The following SOX5 variants were observed in gnomAD, a reference collection of about 807,000 sequenced individuals.
SOX5 encodes SRY-box transcription factor 5.
In SOX5, 9 loss-of-function variants were observed where a neutral mutation model predicts 92.0. That is an observed-to-expected ratio of 0.10 (90% confidence interval 0.06 to 0.17). SOX5 has a LOEUF of 0.17. SOX5 is among the 10% of genes least tolerant of loss of function. The pLI is 1.00. For synonymous variants in SOX5, 344 were observed against 336.3 expected (o/e 1.02, Z -0.25); for missense variants, 642 against 944.5 (o/e 0.68, Z 4.20).
intron 1 of SOX5, among the ~76,000 whole-genome samples, chr12:24,437,906 A>T (rs1596625391): frequency 6.6e-6 from 1 of 152,210 alleles, no homozygotes; most frequent in East Asian, 1.9e-4. Flanking sequence ...CAGAAATACC[A>T]TTTGACCCAG....
At chr12:24,363,476 G>C (rs766027574) in intron 2 of SOX5, among the ~76,000 whole-genome samples, 5 of 152,120 alleles carry the variant, frequency 3.3e-5, no homozygotes, top group Non-Finnish European at 4.4e-5. Context: ...GGTTGAAATA[G>C]TCAGCATTTA....
intron 7 of SOX5, among the ~76,000 whole-genome samples, chr12:23,651,997 T>TA (rs575826482): frequency 4.3e-4 from 66 of 151,738 alleles, no homozygotes; most frequent in South Asian, 2.1e-3. Flanking sequence ...CCTCCTATCC[T>TA]AAAAAAAATG....
At chr12:24,476,579 CA>C (rs749931335) in intron 1 of SOX5, among the ~76,000 whole-genome samples, 27 of 152,248 alleles carry the variant, frequency 1.8e-4, no homozygotes, top group Admixed American at 7.2e-4. Flanking sequence ...TGTAGTTGTT[CA>C]AGCAGGAGTT....
At chr12:24,135,649 G>A (rs536676770) in intron 4 of SOX5, among the ~76,000 whole-genome samples, 2 of 152,218 alleles carry the variant, frequency 1.3e-5, no homozygotes, top group Non-Finnish European at 2.9e-5. Flanking sequence ...CAACAGGACA[G>A]ATGTAAACAA....
At chr12:24,051,986 T>C (rs1360418830) in intron 4 of SOX5, among the ~76,000 whole-genome samples, 1 of 152,228 alleles carries the variant, frequency 6.6e-6, no homozygotes, top group African/African-American at 2.4e-5. Flanking sequence ...GGCCTCATCT[T>C]ATTTAACCTC....
chr12:24,359,356 C>A (rs1394717558), intron 2 of SOX5, among the ~76,000 whole-genome samples: 1 of 152,104 alleles, frequency 6.6e-6, no homozygotes, highest in Non-Finnish European at 1.5e-5. Flanking sequence ...TCCGGTCTTG[C>A]CGTTATCTGA....
At chr12:23,953,845 G>C (rs1945954700), upstream of SOX5, among the ~76,000 whole-genome samples, 2 of 151,914 alleles carry the variant, frequency 1.3e-5, no homozygotes, top group South Asian at 4.1e-4. Flanking sequence ...GAGTCTTTTT[G>C]ACACTGCCGC....
At chr12:23,918,459 A>C (rs964909835) in intron 1 of SOX5, among the ~76,000 whole-genome samples, 3 of 152,344 alleles carry the variant, frequency 2.0e-5, no homozygotes, top group Admixed American at 2.0e-4. Context: ...TTTAGGATTA[A>C]CTAAAAATGA....
intron 3 of SOX5, among the ~76,000 whole-genome samples, chr12:23,762,809 C>A (rs1567565862): frequency 6.6e-6 from 1 of 152,112 alleles, no homozygotes; most frequent in Non-Finnish European, 1.5e-5. Flanking sequence ...ATGCCATAAT[C>A]AATATGGTAT....
chr12:24,356,602 C>G (rs1246664307), intron 2 of SOX5, among the ~76,000 whole-genome samples: 2 of 152,160 alleles, frequency 1.3e-5, no homozygotes, highest in Non-Finnish European at 2.9e-5. Flanking sequence ...CTCCTGTCAG[C>G]TCACTAAATT....
intron 4 of SOX5, among the ~76,000 whole-genome samples, chr12:24,022,344 G>C (rs993906771): frequency 1.3e-5 from 2 of 152,114 alleles, no homozygotes; most frequent in African/African-American, 4.8e-5. Context: ...GTCTGAAAGG[G>C]ACATGAGTCT....
intron 4 of SOX5, among the ~76,000 whole-genome samples, chr12:23,987,891 T>C (rs1288487900): frequency 2.0e-5 from 3 of 152,152 alleles, no homozygotes; most frequent in Non-Finnish European, 4.4e-5. Flanking sequence ...CAGTTTGATA[T>C]ACATTATGAA....
chr12:23,833,359 T>C (rs1247987051), intron 3 of SOX5, among the ~76,000 whole-genome samples: 1 of 151,972 alleles, frequency 6.6e-6, no homozygotes, highest in Non-Finnish European at 1.5e-5. Context: ...CTGTCTCCCA[T>C]ACCAGCTCTA....
At chr12:23,984,542 T>C (rs1949883828) in intron 4 of SOX5, among the ~76,000 whole-genome samples, 1 of 152,200 alleles carries the variant, frequency 6.6e-6, no homozygotes, top group African/African-American at 2.4e-5. Flanking sequence ...TGGGGAATAG[T>C]GGGTTGTCTC....
intron 4 of SOX5, among the ~76,000 whole-genome samples, chr12:24,163,870 G>A (rs1953070660): frequency 6.6e-6 from 1 of 151,476 alleles, no homozygotes; most frequent in African/African-American, 2.4e-5. Flanking sequence ...TATATCCCCA[G>A]GCAGAGAAAA....
chr12:23,760,274 T>C (rs2094526938), intron 3 of SOX5, among the ~76,000 whole-genome samples: 1 of 152,150 alleles, frequency 6.6e-6, no homozygotes, highest in South Asian at 2.1e-4. Context: ...AAAGATGCTT[T>C]GCCCAACATC....
intron 6 of SOX5, among the ~76,000 whole-genome samples, chr12:23,728,946 C>G (rs1029781647): frequency 1.3e-5 from 2 of 151,944 alleles, no homozygotes; most frequent in Non-Finnish European, 2.9e-5. Flanking sequence ...TAAAGCCTTT[C>G]TAAAAACCTC....
At chr12:23,836,147 T>G (rs1158950178) in intron 3 of SOX5, among the ~76,000 whole-genome samples, 1 of 151,928 alleles carries the variant, frequency 6.6e-6, no homozygotes, top group Non-Finnish European at 1.5e-5. Flanking sequence ...AGAGGAATTA[T>G]AGAAATTATG....
chr12:24,443,915 T>C (rs1396696001), intron 1 of SOX5, among the ~76,000 whole-genome samples: 1 of 152,242 alleles, frequency 6.6e-6, no homozygotes, highest in Non-Finnish European at 1.5e-5. Context: ...ACTTGGTCAG[T>C]AAAACCTCAG....
Sources: gnomAD v4.1 joint callset for allele counts (sites outside exome capture counted in the v4.1 genomes callset) on GRCh38, gnomAD v4.1.1 for gene constraint, MANE v1.5 for transcripts, NCBI Gene and HGNC (gene_info 2026-07-23, HGNC 2026-07-21) for gene names.